A2M: variants seen among roughly 807,000 people sequenced by gnomAD.
A2M encodes alpha-2-macroglobulin.
In A2M, 128 loss-of-function variants were observed where a neutral mutation model predicts 183.9. The observed-to-expected ratio is 0.70, with a 90% CI of 0.60 to 0.81. The LOEUF is 0.81. Ranked by LOEUF, A2M falls within the 30% of genes least tolerant of loss-of-function variation. The pLI, the probability that A2M is intolerant of heterozygous loss-of-function variation, is 0.00. For synonymous variants in A2M, 592 were observed against 670.8 expected (o/e 0.88, Z 1.81); for missense variants, 1,495 against 1,787.6 (o/e 0.84, Z 2.95).
chr12:9,068,865 A>T, intron 33 of A2M, 23 bp from the exon 34 acceptor site: 1 of 1,527,904 alleles, frequency 6.5e-7, no homozygotes, highest in Non-Finnish European at 8.9e-7. Flanking sequence ...AGTCAATTAA[A>T]TGACCTTTCA....
intron 22 of A2M, among the ~76,000 whole-genome samples, chr12:9,082,382 A>C (rs75367861): frequency 0.023 from 3,517 of 152,238 alleles, 144 homozygotes; most frequent in African/African-American, 0.08. Context: ...GCTCCACCAG[A>C]TAGCAGAGAC....
chr12:9,114,241 T>C (rs1019814503), intron 1 of A2M, among the ~76,000 whole-genome samples: 1 of 152,232 alleles, frequency 6.6e-6, no homozygotes, highest in Non-Finnish European at 1.5e-5. Context: ...TCATGTGCAG[T>C]ACAGAAACTT....
At chr12:9,072,997 C>G in intron 29 of A2M, 126 bp from the exon 30 acceptor site, 1 of 674,822 alleles carries the variant, frequency 1.5e-6, no homozygotes, top group Non-Finnish European at 2.5e-6. Context: ...AATATAGGAG[C>G]TGTAATTTCA....
chr12:9,100,970 G>A (rs1937789503), intron 13 of A2M, among the ~76,000 whole-genome samples, 174 bp downstream of exon 13: 1 of 152,126 alleles, frequency 6.6e-6, no homozygotes, highest in Admixed American at 6.5e-5. Context: ...CGGGTGATGG[G>A]TGCACCAAAA....
chr12:9,095,228 A>G, intron 16 of A2M, 144 bp from the exon 17 acceptor site: 1 of 523,406 alleles, frequency 1.9e-6, no homozygotes, highest in Non-Finnish European at 3.3e-6. Context: ...GGATATTTAT[A>G]TACTTAAGGA....
At chr12:9,112,021 T>A (rs1016878988) in intron 4 of A2M, 138 bp downstream of exon 4, 19 of 842,964 alleles carry the variant, frequency 2.3e-5, no homozygotes, top group Non-Finnish European at 3.6e-5. Context: ...TAGATTAGGA[T>A]CTTGTGCTGT....
intron 29 of A2M, 45 bp from the exon 30 acceptor site, chr12:9,072,916 G>T: frequency 6.7e-7 from 1 of 1,501,486 alleles, no homozygotes; most frequent in Non-Finnish European, 9.1e-7. Context: ...GCATTATAAG[G>T]CTTTGAGGGC....
intron 22 of A2M, among the ~76,000 whole-genome samples, chr12:9,082,036 G>A (rs1271674719): frequency 6.6e-6 from 1 of 152,176 alleles, no homozygotes; most frequent in Non-Finnish European, 1.5e-5. Context: ...CAGAGGTTAT[G>A]CCAGTGACCC....
At chr12:9,070,352 T>C (rs773793484) in intron 32 of A2M, 136 bp downstream of exon 32, 13 of 661,962 alleles carry the variant, frequency 2.0e-5, no homozygotes, top group Non-Finnish European at 2.6e-5. Flanking sequence ...CATGTGATTA[T>C]ATTTCTGAGC....
intron 29 of A2M, 32 bp from the exon 30 acceptor site, chr12:9,072,903 T>G: frequency 6.3e-7 from 1 of 1,584,066 alleles, no homozygotes; most frequent in Non-Finnish European, 8.6e-7. Flanking sequence ...GAGAACCCAT[T>G]GGGCATTATA....
chr12:9,085,485 T>A (rs1188097694), intron 22 of A2M, among the ~76,000 whole-genome samples: 1 of 151,798 alleles, frequency 6.6e-6, no homozygotes, highest in Admixed American at 6.6e-5. Flanking sequence ...AAATGGAGCA[T>A]AACAAAACAT....
At position 9,093,493 on chromosome 12, in the gene A2M, T is replaced by C. The variant is rs773649038; in HGVS notation, c.2212A>G (p.Thr738Ala). Residue 738 changes from threonine to alanine, a missense_variant, in exon 18 of 36, where the codon ACA becomes GCA. Coordinates refer to ENST00000318602, the MANE Select transcript of A2M (RefSeq NM_000014.6). ...TETVRKYFPE[T>A]WIWDLVVVNS... Reference sequence around the variant, plus strand: ...ACCACCACCAAATCCCAGATCCATGTCTCAGGGAAGTACTTTCGTACGGTC... The same window carrying C: ...ACCACCACCAAATCCCAGATCCATGCCTCAGGGAAGTACTTTCGTACGGTC... 1 of 1,613,722 alleles carries C rather than the reference T, an allele frequency of 6.2e-7. No homozygotes were observed. Among genetic ancestry groups the C allele is most frequent in the East Asian group, 2.2e-5 (1 of 44,882 alleles).
intron 28 of A2M, among the ~76,000 whole-genome samples, chr12:9,075,176 GA>G (rs1948706213): frequency 6.6e-6 from 1 of 152,000 alleles, no homozygotes; most frequent in Non-Finnish European, 1.5e-5. Context: ...CAGATCACAT[GA>G]AATAGTAGAG....
chr12:9,103,156 G>T (rs571046449), intron 11 of A2M, among the ~76,000 whole-genome samples: 241 of 152,248 alleles, frequency 1.6e-3, no homozygotes, highest in Middle Eastern at 3.4e-3. Context: ...AAAACTAAAT[G>T]CTAATTATGT....
intron 22 of A2M, among the ~76,000 whole-genome samples, chr12:9,081,029 C>T (rs989051916): frequency 2.6e-5 from 4 of 152,078 alleles, no homozygotes; most frequent in African/African-American, 9.7e-5. Flanking sequence ...CAGTTATCTT[C>T]CCTTTCTCAT....
At chr12:9,103,360 T>C (rs976162851) in intron 11 of A2M, among the ~76,000 whole-genome samples, 2 of 152,222 alleles carry the variant, frequency 1.3e-5, no homozygotes, top group Non-Finnish European at 2.9e-5. Flanking sequence ...CCAGTATTTT[T>C]AACCACTTTA....
At position 9,094,997 on chromosome 12, in the gene A2M, CA is replaced by C; in HGVS notation, c.2100del (p.Glu701LysfsTer5). 1 of 1,580,604 alleles carries C rather than the reference CA, an allele frequency of 6.3e-7. No homozygotes were observed. Among genetic ancestry groups the C allele is most frequent in the Non-Finnish European group, 8.6e-7 (1 of 1,162,156 alleles). On this transcript the variant is annotated frameshift_variant, in exon 17 of 36. Transcript: ENST00000318602. LOFTEE classifies it high-confidence loss of function. The part of the protein sequence containing the change: ...PQLQQYEMHG[P>X]EGLRVGFYES... ...CCATAAAAACCTACACGTAGACCTTCAGGTCCATGCATTTCATACTGTTGAA... is the reference window on the plus strand; with the variant it reads ...CCATAAAAACCTACACGTAGACCTTCGGTCCATGCATTTCATACTGTTGAA...
In A2M at chr12:9,105,516, A is replaced by T. The variant is rs755629047; in HGVS notation, c.1104+720T>A. Among the ~76,000 whole-genome samples, 44 of 152,308 alleles carry T rather than the reference A, an allele frequency of 2.9e-4. 1 individual carries two copies. The South Asian group carries it at 8.5e-3, about 29-fold the overall frequency. The stretch of plus-strand genomic sequence containing the variant: ...ATAGCTGAAATCCTGTAACATTTAC[A>T]TTAAGAAAATGATACACAGTAAATA... On this transcript the variant is annotated intron_variant, in intron 10 of 35. Coordinates refer to ENST00000318602, the MANE Select transcript of A2M (RefSeq NM_000014.6).
rs1948758866 is a variant in A2M, at chr12:9,076,771, C to CA, written c.3516_3517insT (p.Glu1173Ter). ...GTGCTCTCACCTTTCTTCACAGCTT[C>CA]CTCATTAAGTGACTTGAGTACTTCC... On this transcript the variant is annotated frameshift_variant, in exon 28 of 36. Coordinates refer to ENST00000318602, the MANE Select transcript of A2M (RefSeq NM_000014.6). LOFTEE classifies it high-confidence loss of function. 2.5e-6 allele frequency: 4 copies of CA among 1,613,790 alleles called. No homozygotes were observed. Among genetic ancestry groups the CA allele is most frequent in the Non-Finnish European group, 3.4e-6 (4 of 1,179,844 alleles).
Sources: allele counts gnomAD v4.1 joint callset (sites outside exome capture counted in the v4.1 genomes callset), GRCh38; gene constraint gnomAD v4.1.1; transcripts MANE v1.5; gene names NCBI Gene and HGNC (gene_info 2026-07-23, HGNC 2026-07-21).